The following RTF1 variants were observed in gnomAD, a reference collection of about 807,000 sequenced individuals.
RTF1 encodes RTF1 homolog, Paf1/RNA polymerase II complex component, also known as RNA polymerase-associated protein RTF1 homolog.
In RTF1, 10 loss-of-function variants were observed where a neutral mutation model predicts 95.7. The observed-to-expected ratio is 0.10, with a 90% CI of 0.06 to 0.18. The LOEUF is 0.18. Ranked by LOEUF, RTF1 falls within the 10% of genes least tolerant of loss-of-function variation. The probability of loss-of-function intolerance (pLI) is 1.00; values close to 1 mark genes in which losing one functional copy is unlikely to be tolerated. For missense variants in RTF1, 458 were observed against 875.6 expected (o/e 0.52, Z 6.02); for synonymous variants, 305 against 311.8 (o/e 0.98, Z 0.23).
chr15:41,453,088 T>G, intron 3 of RTF1, 40 bp downstream of exon 3: 1 of 1,495,642 alleles, frequency 6.7e-7, no homozygotes, highest in African/African-American at 1.4e-5. Context: ...CAACTCCCAC[T>G]CTTGTCAGCT....
rs763607421 is a variant in RTF1, at chr15:41,429,759, C to G, written c.199-8562C>G. 5.3e-5 allele frequency among the ~76,000 whole-genome samples: 8 copies of G among 152,002 alleles called. No homozygotes were observed. The East Asian group carries it at 1.5e-3, about 29-fold the overall frequency. ...AGAAAACTGTACCATCTTTTCCTCT[C>G]GTGAAGTTTCTAGTCTCAGCCTCAG... On this transcript the variant is annotated intron_variant, in intron 1 of 17. Transcript: ENST00000389629.
Position 41,474,613 on chromosome 15 carries a change from C to T in RTF1, c.1204-7C>T, listed in dbSNP as rs1292672517. 3 of 1,610,052 alleles carry T rather than the reference C, an allele frequency of 1.9e-6. No individual in the cohort carries two copies. The highest frequency in any genetic ancestry group is 2.6e-6 in the Non-Finnish European group (3 of 1,176,340). ...GTTTTGACTGGCGTCTCTGTCCTCTCACTTAGGTCGCTGAGATTACGGGTG... is the reference window on the plus strand; with the variant it reads ...GTTTTGACTGGCGTCTCTGTCCTCTTACTTAGGTCGCTGAGATTACGGGTG... On this transcript the variant is annotated splice_region_variant and splice_polypyrimidine_tract_variant and intron_variant, in intron 8 of 17. Transcript: ENST00000389629.
intron 1 of RTF1, among the ~76,000 whole-genome samples, chr15:41,435,732 T>A (rs2050698371): frequency 6.6e-6 from 1 of 152,202 alleles, no homozygotes; most frequent in Non-Finnish European, 1.5e-5. Context: ...AAATAGAGAC[T>A]GGAAGAATAA....
intron 1 of RTF1, among the ~76,000 whole-genome samples, chr15:41,420,182 G>A (rs948287253): frequency 6.6e-6 from 1 of 152,124 alleles, no homozygotes; most frequent in Middle Eastern, 3.2e-3. Context: ...AACATAAAAT[G>A]TGTAATACCT....
chr15:41,480,231 A>G lies in RTF1; in HGVS notation c.1932A>G (p.Lys644=). The part of the protein sequence containing the change: ...KEMSKGQGKD[K]DLNSKSASDL... ...CATTCCAGGGTCAAGGCAAAGATAA[A>G]GATTTGAATTCTAAGTCAGCCAGTG... is the stretch of plus-strand genomic sequence containing the variant. Residue 644 remains lysine, a synonymous_variant, in exon 17 of 18, where the codon AAA becomes AAG. Coordinates refer to ENST00000389629, the MANE Select transcript of RTF1 (RefSeq NM_015138.5). The G allele has an allele frequency of 1.2e-6, 2 of 1,612,180 alleles. No homozygotes were observed. The highest frequency in any genetic ancestry group is 1.7e-6 in the Non-Finnish European group (2 of 1,178,214).
chr15:41,420,304 G>T (rs1439130386), intron 1 of RTF1, among the ~76,000 whole-genome samples: 1 of 152,126 alleles, frequency 6.6e-6, no homozygotes, highest in Non-Finnish European at 1.5e-5. Context: ...CCTAACAGGG[G>T]TATTGATGCC....
At position 41,466,169 on chromosome 15, in the gene RTF1, C is replaced by T. The variant is rs1364657041; in HGVS notation, c.806C>T (p.Ser269Phe). The T allele has an allele frequency of 6.3e-7, 1 of 1,589,314 alleles. No individual in the cohort carries two copies. Among genetic ancestry groups the T allele is most frequent in the South Asian group, 1.2e-5 (1 of 86,382 alleles). Residue 269 changes from serine (S) to phenylalanine (F), a missense_variant, in exon 6 of 18, where the codon TCC (serine) becomes TTC (phenylalanine). Transcript: ENST00000389629. The stretch of plus-strand genomic sequence containing the variant: ...ACATCCCACAACAAGGAACGGCGTT[C>T]CAAGCGGGATGAGAAACTAGACAAG... ...QVTSHNKERR[S>F]KRDEKLDKKS...
rs550868985 is a variant in RTF1, at chr15:41,426,144, G to A, written c.198+8831G>A. Among the ~76,000 whole-genome samples the A allele has an allele frequency of 7.2e-5, 11 of 151,938 alleles. No individual in the cohort carries two copies. The South Asian group carries it at 1.9e-3, about 26-fold the overall frequency. On this transcript the variant is annotated intron_variant, in intron 1 of 17. Transcript: ENST00000389629. ...CTACAAAAAAAAAAAATTTTTTTTG[G>A]AGGTGGAGTCTCGCTCTGTTGCCTA... is the stretch of plus-strand genomic sequence containing the variant.
chr15:41,458,344 G>A (rs1191896245), intron 4 of RTF1, among the ~76,000 whole-genome samples: 1 of 152,184 alleles, frequency 6.6e-6, no homozygotes, highest in Non-Finnish European at 1.5e-5. Context: ...TGCCCAAGGT[G>A]ATTTAGCTGG....
intron 2 of RTF1, among the ~76,000 whole-genome samples, chr15:41,438,742 T>C (rs1327630279): frequency 2.0e-5 from 3 of 151,620 alleles, no homozygotes; most frequent in African/African-American, 7.3e-5. Context: ...ACGCCTGTAA[T>C]CCCAGCTACT....
At chr15:41,465,209 C>T (rs575343510) in intron 5 of RTF1, among the ~76,000 whole-genome samples, 10 of 151,140 alleles carry the variant, frequency 6.6e-5, no homozygotes, top group South Asian at 6.3e-4. Flanking sequence ...TTATGTTGCC[C>T]GGGCTAGAAT....
chr15:41,452,471 T>C (rs1347905549), intron 2 of RTF1, among the ~76,000 whole-genome samples: 1 of 151,736 alleles, frequency 6.6e-6, no homozygotes, highest in Admixed American at 6.6e-5. Flanking sequence ...CAGTGGCTCA[T>C]GTCTGTAATC....
chr15:41,474,119 C>G (rs909363732), intron 8 of RTF1, among the ~76,000 whole-genome samples: 1 of 152,128 alleles, frequency 6.6e-6, no homozygotes, highest in Non-Finnish European at 1.5e-5. Context: ...TCAAGTAATC[C>G]TCCTACCTCA....
intron 1 of RTF1, among the ~76,000 whole-genome samples, chr15:41,437,648 C>T (rs190566184): frequency 3.9e-5 from 6 of 152,186 alleles, no homozygotes; most frequent in African/African-American, 1.4e-4. Flanking sequence ...GAGAAGGGAA[C>T]CATGTGACAG....
At chr15:41,439,118 G>A (rs972611798) in intron 2 of RTF1, among the ~76,000 whole-genome samples, 2 of 149,614 alleles carry the variant, frequency 1.3e-5, no homozygotes, top group East Asian at 2.0e-4. Context: ...TGCAACTTCC[G>A]CCTTCCAGGT....
chr15:41,461,768 T>TACACAAA (rs1384940786), intron 4 of RTF1, among the ~76,000 whole-genome samples: 1 of 151,448 alleles, frequency 6.6e-6, no homozygotes, highest in Non-Finnish European at 1.5e-5. Flanking sequence ...GGATTACAGG[T>TACACAAA]GTGAGCCACC....
At chr15:41,466,969 T>G (rs8034939) in intron 6 of RTF1, among the ~76,000 whole-genome samples, 1,694 of 152,338 alleles carry the variant, frequency 0.011, 36 homozygotes, top group African/African-American at 0.039. Context: ...GTTGTCATTG[T>G]TGCTTGTTCT....
intron 1 of RTF1, among the ~76,000 whole-genome samples, chr15:41,429,730 G>T (rs969384463): frequency 1.3e-5 from 2 of 152,020 alleles, no homozygotes; most frequent in African/African-American, 4.8e-5. Context: ...GAAGGCCTCT[G>T]TCCAGAAAAC....
At chr15:41,453,191 G>A in intron 3 of RTF1, 143 bp downstream of exon 3, 2 of 589,240 alleles carry the variant, frequency 3.4e-6, no homozygotes, top group Non-Finnish European at 5.4e-6. Context: ...TTTTTCCATG[G>A]TCATGGATGC....
Sources: allele counts gnomAD v4.1 joint callset (sites outside exome capture counted in the v4.1 genomes callset), GRCh38; gene constraint gnomAD v4.1.1; transcripts MANE v1.5; gene names NCBI Gene and HGNC (gene_info 2026-07-23, HGNC 2026-07-21).